The following SNX24 variants were observed in gnomAD, a reference collection of about 807,000 sequenced individuals.
SNX24 encodes sorting nexin-24.
SNX24 carries 22 observed loss-of-function variants against 28.7 expected under a neutral mutation model. The ratio of observed to expected loss-of-function variants is 0.77; its 90% CI spans 0.55 to 1.10. The LOEUF (loss-of-function observed/expected upper bound fraction) is 1.10, where lower values mean the gene tolerates loss of function less well. SNX24 is among the 50% of genes least tolerant of loss of function. SNX24 has a pLI of 0.00. For synonymous variants in SNX24, 69 were observed against 71.5 expected, an observed-to-expected ratio of 0.96 and a Z score of 0.18; for missense variants, 221 against 201.1, an observed-to-expected ratio of 1.10 and a Z score of -0.60.
At chr5:122,884,712 C>T (rs1756633210) in intron 1 of SNX24, among the ~76,000 whole-genome samples, 2 of 152,052 alleles carry the variant, frequency 1.3e-5, no homozygotes, top group Admixed American at 6.6e-5. Context: ...AAGGTTCTGA[C>T]AGACGAGCAG....
At position 123,022,000 on chromosome 5, in the gene SNX24, C is replaced by T. The variant is rs988301421; in HGVS notation, n.384-7238C>T. Among the ~76,000 whole-genome samples the T allele has an allele frequency of 1.2e-4, 18 of 152,244 alleles. No individual in the cohort carries two copies. In the South Asian group the frequency reaches 1.7e-3, roughly 14 times the overall value. On this transcript the variant is annotated intron_variant and non_coding_transcript_variant, in intron 5 of 5. Coordinates refer to the SNX24 transcript ENST00000502387. ...GAGGGGCCCAAGAGGCCTTCCACTCCGACGATGCTTCTCTCCCGGCCTCTC... is the reference window on the plus strand; with the variant it reads ...GAGGGGCCCAAGAGGCCTTCCACTCTGACGATGCTTCTCTCCCGGCCTCTC...
intron 1 of SNX24, among the ~76,000 whole-genome samples, chr5:122,931,443 C>A (rs1758951259): frequency 6.6e-6 from 1 of 152,112 alleles, no homozygotes; most frequent in African/African-American, 2.4e-5. Context: ...TGACAATAGG[C>A]ACACAAGAAA....
At chr5:122,921,802 C>CA (rs1171590484) in intron 1 of SNX24, among the ~76,000 whole-genome samples, 38 of 144,726 alleles carry the variant, frequency 2.6e-4, no homozygotes, top group Admixed American at 8.9e-4. Context: ...CCCATGGTAA[C>CA]AAAAAAAAAA....
At chr5:122,954,826 T>C (rs2150132994) in intron 3 of SNX24, among the ~76,000 whole-genome samples, 1 of 152,276 alleles carries the variant, frequency 6.6e-6, no homozygotes, top group Admixed American at 6.5e-5. Flanking sequence ...TTTTCAGAAG[T>C]TTAATTTTGA....
In SNX24 at chr5:122,897,438, A is replaced by T. The variant is rs111361792; in HGVS notation, c.61-39296A>T. ...ATATGAAAATACTTATTTTGGATGC[A>T]TTCATAAGAATTAGAAGACAGCATA... On this transcript the variant is annotated intron_variant, in intron 1 of 6. Coordinates refer to ENST00000261369, the MANE Select transcript of SNX24 (RefSeq NM_014035.4). Among the ~76,000 whole-genome samples the T allele has an allele frequency of 4.2e-3, 646 of 152,300 alleles. 5 individuals are homozygous for T. The highest frequency in any genetic ancestry group is 0.015 in the African/African-American group (615 of 41,558).
chr5:122,850,035 G>A (rs1452550983), intron 1 of SNX24, among the ~76,000 whole-genome samples: 1 of 152,142 alleles, frequency 6.6e-6, no homozygotes, highest in Non-Finnish European at 1.5e-5. Context: ...GAGCTATAAG[G>A]GAGTGTGGAC....
intron 1 of SNX24, among the ~76,000 whole-genome samples, chr5:122,904,600 C>T (rs1369711567): frequency 6.6e-6 from 1 of 151,978 alleles, no homozygotes; most frequent in Non-Finnish European, 1.5e-5. Flanking sequence ...TACATGATCC[C>T]AGTATTTAAA....
intron 1 of SNX24, among the ~76,000 whole-genome samples, chr5:122,902,277 A>T (rs1039837540): frequency 1.3e-5 from 2 of 152,214 alleles, no homozygotes; most frequent in African/African-American, 4.8e-5. Context: ...TCAGACTTGT[A>T]GGTGTAGTGT....
chr5:122,881,589 CTT>C (rs1191887609), intron 1 of SNX24, among the ~76,000 whole-genome samples: 1 of 152,168 alleles, frequency 6.6e-6, no homozygotes, highest in African/African-American at 2.4e-5. Context: ...GTCTTTCTGA[CTT>C]AGCGTGCTTG....
At chr5:122,846,615 CTAAA>C (rs1754648214) in intron 1 of SNX24, among the ~76,000 whole-genome samples, 1 of 152,222 alleles carries the variant, frequency 6.6e-6, no homozygotes, top group Non-Finnish European at 1.5e-5. Flanking sequence ...CTCCCCTCCT[CTAAA>C]TATTACTGGT....
At chr5:122,929,494 G>T (rs545105775) in intron 1 of SNX24, among the ~76,000 whole-genome samples, 48 of 152,092 alleles carry the variant, frequency 3.2e-4, no homozygotes, top group African/African-American at 1.1e-3. Flanking sequence ...GTACTGCTCA[G>T]TGTGAAATAT....
At chr5:122,966,359 A>C (rs1760714254) in intron 3 of SNX24, among the ~76,000 whole-genome samples, 1 of 152,202 alleles carries the variant, frequency 6.6e-6, no homozygotes, top group Non-Finnish European at 1.5e-5. Context: ...ATGTTGGTTG[A>C]AGTTAGCAAA....
chr5:122,981,340 T>C (rs544887886), intron 3 of SNX24, among the ~76,000 whole-genome samples: 1 of 152,256 alleles, frequency 6.6e-6, no homozygotes, highest in Non-Finnish European at 1.5e-5. Flanking sequence ...GGTCAGCATC[T>C]TCTAGTATTT....
intron 3 of SNX24, among the ~76,000 whole-genome samples, chr5:122,973,184 ATTTC>A (rs1189937957): frequency 6.6e-6 from 1 of 152,016 alleles, no homozygotes; most frequent in African/African-American, 2.4e-5. Context: ...TCTTCCCCAG[ATTTC>A]TTTGTCACCA....
chr5:122,871,414 T>C (rs1755973323), intron 1 of SNX24, among the ~76,000 whole-genome samples: 1 of 152,184 alleles, frequency 6.6e-6, no homozygotes, highest in Non-Finnish European at 1.5e-5. Flanking sequence ...AAAGGGCTGG[T>C]TCACATTCTG....
chr5:122,970,793 A>G (rs2150147171), intron 3 of SNX24, among the ~76,000 whole-genome samples: 1 of 152,292 alleles, frequency 6.6e-6, no homozygotes, highest in South Asian at 2.1e-4. Flanking sequence ...CTTATGTGTC[A>G]GCCACACTAG....
downstream of SNX24, among the ~76,000 whole-genome samples, chr5:123,013,476 C>CAGT (rs1277647016): frequency 6.6e-6 from 1 of 152,186 alleles, no homozygotes; most frequent in Admixed American, 6.5e-5. Context: ...AAGTAGCAGG[C>CAGT]AGTAACTCAA....
chr5:122,955,795 G>T (rs1000239462), intron 3 of SNX24, among the ~76,000 whole-genome samples: 1 of 152,182 alleles, frequency 6.6e-6, no homozygotes, highest in Non-Finnish European at 1.5e-5. Context: ...CATAAGAGGG[G>T]GCACATTACC....
At chr5:122,898,922 G>C (rs1220172898) in intron 1 of SNX24, among the ~76,000 whole-genome samples, 1 of 152,224 alleles carries the variant, frequency 6.6e-6, no homozygotes, top group Admixed American at 6.5e-5. Context: ...AGGAACTGGA[G>C]TCAGAGAACC....
Sources: allele counts gnomAD v4.1 joint callset (sites outside exome capture counted in the v4.1 genomes callset), GRCh38; gene constraint gnomAD v4.1.1; transcripts MANE v1.5; gene names NCBI Gene and HGNC (gene_info 2026-07-23, HGNC 2026-07-21).